The following SPIDR variants were observed in gnomAD, a reference collection of about 807,000 sequenced individuals.
SPIDR encodes DNA repair-scaffolding protein.
In SPIDR, 93 loss-of-function variants were observed where a neutral mutation model predicts 104.6. The observed-to-expected ratio is 0.89, with a 90% CI of 0.75 to 1.06. The LOEUF (loss-of-function observed/expected upper bound fraction) is 1.06, where lower values mean the gene tolerates loss of function less well. Among genes scored for constraint, SPIDR ranks in the 50% least tolerant of loss-of-function variants. SPIDR has a pLI of 0.00. For missense variants in SPIDR, 1,154 were observed against 1,111.2 expected (o/e 1.04, Z -0.55); for synonymous variants, 431 against 416.9 (o/e 1.03, Z -0.41).
At chr8:47,439,064 A>AT (rs1246852295) in intron 7 of SPIDR, among the ~76,000 whole-genome samples, 1 of 151,922 alleles carries the variant, frequency 6.6e-6, no homozygotes, top group Non-Finnish European at 1.5e-5. Context: ...GTATTTTTTT[A>AT]TTTTTTTTAA....
At chr8:47,614,140 G>A (rs1206290812) in intron 10 of SPIDR, among the ~76,000 whole-genome samples, 1 of 152,086 alleles carries the variant, frequency 6.6e-6, no homozygotes, top group African/African-American at 2.4e-5. Flanking sequence ...CTGTTCCTGT[G>A]ATATTCTGCT....
chr8:47,490,747 C>CA (rs1215174003), intron 8 of SPIDR, among the ~76,000 whole-genome samples: 1 of 151,994 alleles, frequency 6.6e-6, no homozygotes, highest in Non-Finnish European at 1.5e-5. Flanking sequence ...ATCGCAAGGA[C>CA]AAAAAACCAA....
At chr8:47,412,435 C>T (rs1357259231) in intron 7 of SPIDR, among the ~76,000 whole-genome samples, 1 of 152,180 alleles carries the variant, frequency 6.6e-6, no homozygotes, top group Non-Finnish European at 1.5e-5. Context: ...GGCTGGCGGT[C>T]ATTCTCTGTG....
At chr8:47,627,448 CA>C (rs927877382) in intron 10 of SPIDR, among the ~76,000 whole-genome samples, 8 of 151,542 alleles carry the variant, frequency 5.3e-5, no homozygotes, top group Non-Finnish European at 7.4e-5. Flanking sequence ...TCTGATGTCA[CA>C]AAAAAAATGT....
At chr8:47,478,476 G>C (rs1382921950) in intron 8 of SPIDR, among the ~76,000 whole-genome samples, 1 of 152,152 alleles carries the variant, frequency 6.6e-6, no homozygotes, top group Non-Finnish European at 1.5e-5. Context: ...TTTCTTGGTT[G>C]AGTGCAGATG....
At position 47,633,559 on chromosome 8, in the gene SPIDR, A is replaced by G. The variant is rs547159504; in HGVS notation, c.1544+34363A>G. ...TGAAGACTAGATATGCAAATGATTG[A>G]AAAAAAAAAAAAAACAAAAACCAAG... On this transcript the variant is annotated intron_variant, in intron 10 of 19. Transcript: ENST00000297423. 7.0e-4 allele frequency among the ~76,000 whole-genome samples: 9 copies of G among 12,832 alleles called. No individual in the cohort carries two copies. In the East Asian group the frequency reaches 0.031, roughly 45 times the overall value. 8.4% of individuals were successfully genotyped at this position (12,832 alleles called of 152,430 possible). A position where few individuals can be genotyped will look rare whatever the true frequency, so the allele number is the denominator to read the frequency against.
intron 14 of SPIDR, among the ~76,000 whole-genome samples, chr8:47,708,552 A>G (rs2081402853): frequency 6.6e-6 from 1 of 152,068 alleles, no homozygotes; most frequent in South Asian, 2.1e-4. Flanking sequence ...CACAGTTTAC[A>G]TGAGGGTTCA....
At chr8:47,504,577 CA>C (rs1035122725) in intron 8 of SPIDR, among the ~76,000 whole-genome samples, 4 of 152,132 alleles carry the variant, frequency 2.6e-5, no homozygotes, top group African/African-American at 9.7e-5. Flanking sequence ...GCCATGGGTG[CA>C]AACTTCCTCC....
intron 1 of SPIDR, among the ~76,000 whole-genome samples, chr8:47,275,124 T>TG (rs1434678386): frequency 4.2e-4 from 64 of 150,954 alleles, no homozygotes; most frequent in African/African-American, 1.2e-3. Context: ...CCGCGCGTGG[T>TG]GGGGGGCGCC....
At chr8:47,629,814 A>G (rs2066774631) in intron 10 of SPIDR, among the ~76,000 whole-genome samples, 1 of 152,236 alleles carries the variant, frequency 6.6e-6, no homozygotes, top group Admixed American at 6.5e-5. Context: ...ACAGGCCATA[A>G]TTTGCCAACC....
chr8:47,724,874 G>C (rs1295092110), intron 16 of SPIDR, among the ~76,000 whole-genome samples: 1 of 152,146 alleles, frequency 6.6e-6, no homozygotes, highest in Non-Finnish European at 1.5e-5. Context: ...TCTCTGCTGT[G>C]TCTTCTGGGG....
intron 5 of SPIDR, among the ~76,000 whole-genome samples, chr8:47,353,670 A>G (rs1285716259): frequency 3.3e-5 from 5 of 151,814 alleles, no homozygotes; most frequent in Non-Finnish European, 7.4e-5. Flanking sequence ...AGTATCTTTT[A>G]TCATTGTATT....
At chr8:47,607,836 A>G (rs956339558) in intron 10 of SPIDR, among the ~76,000 whole-genome samples, 1 of 152,006 alleles carries the variant, frequency 6.6e-6, no homozygotes, top group African/African-American at 2.4e-5. Context: ...ATGGAATTAC[A>G]GTCTAGTGTT....
At chr8:47,448,799 A>G (rs782102499) in intron 8 of SPIDR, among the ~76,000 whole-genome samples, 13 of 152,108 alleles carry the variant, frequency 8.5e-5, no homozygotes, top group Non-Finnish European at 1.6e-4. Context: ...GGGAGGGACT[A>G]TGAGGGCATT....
intron 8 of SPIDR, chr8:47,511,928 T>C (rs1420181012): frequency 1.3e-6 from 1 of 793,178 alleles, no homozygotes; most frequent in Non-Finnish European, 2.3e-6. Context: ...CTAAAGGATG[T>C]CACTCTATTA....
At chr8:47,499,064 A>C (rs1000816601) in intron 8 of SPIDR, among the ~76,000 whole-genome samples, 14 of 152,186 alleles carry the variant, frequency 9.2e-5, no homozygotes. Context: ...ACTGTTTAGC[A>C]AAAGAAACCA....
At chr8:47,382,375 A>AT (rs1224218747) in intron 5 of SPIDR, among the ~76,000 whole-genome samples, 1 of 152,214 alleles carries the variant, frequency 6.6e-6, no homozygotes. Context: ...TAGCAATTGA[A>AT]TTATATAAAG....
chr8:47,346,074 C>T (rs2051940608), intron 5 of SPIDR, among the ~76,000 whole-genome samples: 1 of 152,194 alleles, frequency 6.6e-6, no homozygotes, highest in Non-Finnish European at 1.5e-5. Context: ...AGTTTTTGCC[C>T]ATTCAGCATG....
chr8:47,333,576 A>G (rs1488539743), intron 5 of SPIDR, among the ~76,000 whole-genome samples: 1 of 152,188 alleles, frequency 6.6e-6, no homozygotes, highest in Admixed American at 6.5e-5. Flanking sequence ...TTCTGGGATT[A>G]CAGGCATGAG....
Sources: gnomAD v4.1 joint callset for allele counts (sites outside exome capture counted in the v4.1 genomes callset) on GRCh38, gnomAD v4.1.1 for gene constraint, MANE v1.5 for transcripts, NCBI Gene and HGNC (gene_info 2026-07-23, HGNC 2026-07-21) for gene names.